The following FCER1A variants were observed in gnomAD, a reference collection of about 807,000 sequenced individuals.
The protein encoded by FCER1A is Fc epsilon receptor Ia, also known as high affinity immunoglobulin epsilon receptor subunit alpha.
A neutral mutation model predicts 23.6 loss-of-function variants in FCER1A; 24 were observed. The observed-to-expected ratio is 1.02, with a 90% CI of 0.74 to 1.43. The LOEUF is 1.43. FCER1A is among the 40% of genes most tolerant of loss of function. The probability of loss-of-function intolerance (pLI) is 0.00; values close to 1 mark genes in which losing one functional copy is unlikely to be tolerated. For missense variants in FCER1A, 318 were observed against 294.5 expected (o/e 1.08, Z -0.58); for synonymous variants, 121 against 108.8 (o/e 1.11, Z -0.70).
At position 159,304,072 on chromosome 1, in the gene FCER1A, C is replaced by T; in HGVS notation, c.221C>T (p.Thr74Ile). ...CACAATGGCAGCCTTTCAGAAGAGA[C>T]AAATTCAAGTTTGAATATTGTGAAT... ...WFHNGSLSEETNSSLNIVNAK... is the reference protein window; with the variant it reads ...WFHNGSLSEEINSSLNIVNAK... The change falls in exon 3 of 5, where the codon ACA (threonine) becomes ATA (isoleucine). Residue 74 changes from threonine to isoleucine, a missense_variant. Transcript: ENST00000693622. The T allele has an allele frequency of 1.2e-6, 2 of 1,614,108 alleles. No individual in the cohort carries two copies. Among genetic ancestry groups the T allele is most frequent in the Non-Finnish European group, 1.7e-6 (2 of 1,179,984 alleles).
chr1:159,296,367 T>C (rs1652293398), intron 1 of FCER1A, among the ~76,000 whole-genome samples: 1 of 152,158 alleles, frequency 6.6e-6, no homozygotes, highest in Non-Finnish European at 1.5e-5. Flanking sequence ...GGAAAATATG[T>C]CCTTCATGAA....
chr1:159,296,118 C>G (rs1210045625), intron 1 of FCER1A, among the ~76,000 whole-genome samples: 2 of 152,014 alleles, frequency 1.3e-5, no homozygotes, highest in Non-Finnish European at 2.9e-5. Context: ...TGTCATTTGT[C>G]AGCTGGTATA....
At chr1:159,304,905 G>A (rs564981538) in intron 3 of FCER1A, among the ~76,000 whole-genome samples, 1 of 135,566 alleles carries the variant, frequency 7.4e-6, no homozygotes. Context: ...TGTACTCTTC[G>A]TTATGAAACA....
chr1:159,290,718 A>G (rs909797487), intron 1 of FCER1A, among the ~76,000 whole-genome samples: 5 of 152,206 alleles, frequency 3.3e-5, no homozygotes, highest in African/African-American at 9.6e-5. Context: ...ATTAAATAGG[A>G]TAAAGCACAA....
Position 159,306,127 on chromosome 1 carries a change from G to A in FCER1A, c.471G>A (p.Glu157=). 6.2e-7 allele frequency: 1 copy of A among 1,614,142 alleles called. No individual in the cohort carries two copies. The highest frequency in any genetic ancestry group is 8.5e-7 in the Non-Finnish European group (1 of 1,180,024). The change falls in exon 4 of 5, where the codon GAG becomes GAA. Residue 157 remains glutamate (E), a synonymous_variant. Transcript: ENST00000693622. The stretch of plus-strand genomic sequence containing the variant: ...GTGAAGCTCTCAAGTACTGGTATGA[G>A]AACCACAACATCTCCATTACAAATG... ...KDGEALKYWY[E]NHNISITNAT...
upstream of FCER1A, among the ~76,000 whole-genome samples, chr1:159,286,439 T>G (rs1652019499): frequency 6.6e-6 from 1 of 151,696 alleles, no homozygotes; most frequent in South Asian, 2.1e-4. Flanking sequence ...TTCATGCCAT[T>G]CTCCTGCCTC....
chr1:159,294,582 T>G (rs549946713), intron 1 of FCER1A, among the ~76,000 whole-genome samples: 1 of 152,318 alleles, frequency 6.6e-6, no homozygotes, highest in East Asian at 1.9e-4. Flanking sequence ...TTATTTTCTG[T>G]TTTCTCCAAT....
At chr1:159,303,826 C>A in intron 2 of FCER1A, 102 bp from the exon 3 acceptor site, 1 of 876,118 alleles carries the variant, frequency 1.1e-6, no homozygotes, top group Admixed American at 2.5e-5. Context: ...AGGTTGACCA[C>A]TGATTGTCAG....
At chr1:159,288,008 A>G (rs939069470), upstream of FCER1A, among the ~76,000 whole-genome samples, 5 of 152,074 alleles carry the variant, frequency 3.3e-5, no homozygotes, top group African/African-American at 1.2e-4. Context: ...GGATGTGATA[A>G]GGAGCTAGAC....
the FCER1A span, among the ~76,000 whole-genome samples, chr1:159,284,170 G>A: frequency 3.3e-5 from 5 of 152,018 alleles, no homozygotes; most frequent in Admixed American, 6.6e-5. Context: ...AAGGTTATAG[G>A]GGCCGGGACA....
upstream of FCER1A, among the ~76,000 whole-genome samples, chr1:159,300,556 T>C (rs556111807): frequency 6.6e-6 from 1 of 152,274 alleles, no homozygotes; most frequent in South Asian, 2.1e-4. Flanking sequence ...CTGATTATGC[T>C]CTCTTCTTTG....
At chr1:159,305,837 T>C in intron 3 of FCER1A, 151 bp from the exon 4 acceptor site, 3 of 656,496 alleles carry the variant, frequency 4.6e-6, no homozygotes, top group Middle Eastern at 4.2e-4. Flanking sequence ...CATTATTTTG[T>C]GCCCTTTAAA....
chr1:159,302,719 T>C, intron 1 of FCER1A, 135 bp from the exon 2 acceptor site: 1 of 829,016 alleles, frequency 1.2e-6, no homozygotes, highest in Non-Finnish European at 2.1e-6. Context: ...TTTCTTCCCC[T>C]GATTCTGATT....
chr1:159,285,912 CT>C (rs1442592172), upstream of FCER1A, among the ~76,000 whole-genome samples: 3 of 152,116 alleles, frequency 2.0e-5, no homozygotes, highest in African/African-American at 7.2e-5. Context: ...AATCCAGGCA[CT>C]GTGGCTCATG....
intron 1 of FCER1A, among the ~76,000 whole-genome samples, chr1:159,291,279 C>T (rs1267055874): frequency 1.3e-5 from 2 of 152,106 alleles, no homozygotes; most frequent in Non-Finnish European, 2.9e-5. Context: ...CTTCTTCCAC[C>T]AACCTTTGAA....
At chr1:159,289,828 C>T (rs1652103215) in intron 1 of FCER1A, 1 of 152,192 alleles carries the variant, frequency 6.6e-6, no homozygotes, top group African/African-American at 2.4e-5. Context: ...ACATCCCTCC[C>T]TCTTCCAGAT....
At chr1:159,291,554 T>C (rs948805719) in intron 1 of FCER1A, among the ~76,000 whole-genome samples, 1 of 152,194 alleles carries the variant, frequency 6.6e-6, no homozygotes. Flanking sequence ...AAGATTTAAA[T>C]TGAATGAGTG....
At chr1:159,304,377 G>A (rs1215269517) in intron 3 of FCER1A, among the ~76,000 whole-genome samples, 195 bp downstream of exon 3, 5 of 152,134 alleles carry the variant, frequency 3.3e-5, no homozygotes, top group Admixed American at 6.5e-5. Flanking sequence ...TGAGGCAGGT[G>A]GATCACGAGG....
At chr1:159,301,762 T>C (rs1652435714), upstream of FCER1A, among the ~76,000 whole-genome samples, 6 of 152,332 alleles carry the variant, frequency 3.9e-5, no homozygotes, top group South Asian at 1.2e-3. Context: ...GTATAAACAG[T>C]ACATCATATG....
Sources: gnomAD v4.1 joint callset for allele counts (sites outside exome capture counted in the v4.1 genomes callset) on GRCh38, gnomAD v4.1.1 for gene constraint, MANE v1.5 for transcripts, NCBI Gene and HGNC (gene_info 2026-07-23, HGNC 2026-07-21) for gene names.